The following DLST variants were observed in gnomAD, a reference collection of about 807,000 sequenced individuals.
DLST encodes dihydrolipoamide S-succinyltransferase.
A neutral mutation model predicts 53.1 loss-of-function variants in DLST; 17 were observed. That is an observed-to-expected ratio of 0.32 (90% CI 0.22 to 0.48). The LOEUF (loss-of-function observed/expected upper bound fraction) is 0.48. Among genes scored for constraint, DLST ranks in the 20% least tolerant of loss-of-function variants. The pLI, the probability that DLST is intolerant of heterozygous loss-of-function variation, is 0.99. For missense variants in DLST, 512 were observed against 583.9 expected (o/e 0.88, Z 1.27); for synonymous variants, 206 against 204.8 (o/e 1.01, Z -0.05).
At position 74,898,359 on chromosome 14, in the gene DLST, A is replaced by G. The variant is rs2080087; in HGVS notation, c.771-10A>G. 0.56 allele frequency: 905,154 copies of G among 1,607,770 alleles called. 262,126 individuals are homozygous for G. Among genetic ancestry groups the G allele is most frequent in the African/African-American group, 0.92 (68,516 of 74,738 alleles). On this transcript the variant is annotated splice_polypyrimidine_tract_variant and intron_variant, in intron 10 of 14. Transcript: ENST00000334220. ...CTTTGTGGTCAGTTTGTTTTGTAATATTTTCACAGTAACATCCAGGAGATG... is the reference window on the plus strand; with the variant it reads ...CTTTGTGGTCAGTTTGTTTTGTAATGTTTTCACAGTAACATCCAGGAGATG...
intron 10 of DLST, 117 bp downstream of exon 10, chr14:74,894,526 TTTA>T: frequency 1.8e-6 from 2 of 1,111,140 alleles, no homozygotes; most frequent in South Asian, 3.2e-5. Flanking sequence ...GAGGTATTTG[TTTA>T]TTGTTTTTTG....
rs113934552 is a variant in DLST, at chr14:74,891,672, A to ACC, written c.442+506_442+507dup. On this transcript the variant is annotated intron_variant, in intron 7 of 14. Coordinates refer to ENST00000334220, the MANE Select transcript of DLST (RefSeq NM_001933.5). Reference sequence around the variant, plus strand: ...GAAATGAGAAACGAATTTGTACTGGACCTGATAGGATTAGAGATTAATAAC... The same window carrying ACC: ...GAAATGAGAAACGAATTTGTACTGGACCCCTGATAGGATTAGAGATTAATAAC... 1,236 of 984,394 alleles carry ACC rather than the reference A, an allele frequency of 1.3e-3. 10 individuals carry two copies. In the African/African-American group the frequency reaches 0.017, roughly 13 times the overall value. 61.0% of individuals were successfully genotyped at this position (984,394 alleles called of 1,614,324 possible).
intron 12 of DLST, 51 bp downstream of exon 12, chr14:74,900,047 C>G (rs1884193643): frequency 7.0e-7 from 1 of 1,422,912 alleles, no homozygotes; most frequent in Admixed American, 1.7e-5. Context: ...CTCACCTTAT[C>G]TGTGTGAAGG....
chr14:74,893,095 C>T (rs1883965681), intron 8 of DLST, 109 bp downstream of exon 8: 1 of 1,357,256 alleles, frequency 7.4e-7, no homozygotes, highest in South Asian at 1.5e-5. Flanking sequence ...AGGTTGGCTG[C>T]TTTGTAGAAA....
At chr14:74,900,741 T>G (rs1400145963) in intron 13 of DLST, among the ~76,000 whole-genome samples, 1 of 152,230 alleles carries the variant, frequency 6.6e-6, no homozygotes, top group Non-Finnish European at 1.5e-5. Flanking sequence ...TTTTTGTTTT[T>G]AGAGGCAGGG....
chr14:74,895,878 A>T lies in DLST; in HGVS notation c.770+1469A>T, dbSNP rs373700154. Among the ~76,000 whole-genome samples the T allele has an allele frequency of 5.9e-4, 90 of 152,318 alleles. No individual in the cohort carries two copies. In the South Asian group the frequency reaches 0.017, roughly 29 times the overall value. ...GCCACTGCACTCCAGCCTGGGCAACAGAGCGAGATTGTGTCTCAAAAAAAA... is the reference window on the plus strand; with the variant it reads ...GCCACTGCACTCCAGCCTGGGCAACTGAGCGAGATTGTGTCTCAAAAAAAA... On this transcript the variant is annotated intron_variant, in intron 10 of 14. Transcript: ENST00000334220.
intron 11 of DLST, 81 bp from the exon 12 acceptor site, chr14:74,899,842 T>A (rs1404578292): frequency 4.4e-6 from 5 of 1,124,020 alleles, no homozygotes; most frequent in Non-Finnish European, 6.6e-6. Flanking sequence ...TGCAGATTTT[T>A]ACTCTGTTAA....
At chr14:74,893,008 G>T in intron 8 of DLST, 22 bp downstream of exon 8, 1 of 1,604,336 alleles carries the variant, frequency 6.2e-7, no homozygotes. Flanking sequence ...ACTCCCACAT[G>T]TCATGTGGGA....
At chr14:74,890,928 T>G in intron 6 of DLST, 128 bp from the exon 7 acceptor site, 1 of 1,291,638 alleles carries the variant, frequency 7.7e-7, no homozygotes. Context: ...TCCGCCTGCC[T>G]TGGCATCCCA....
At position 74,894,297 on chromosome 14, in the gene DLST, C is replaced by G; in HGVS notation, c.673-15C>G. Reference sequence around the variant, plus strand: ...GAGATCAGATTGTCAATGCTTGTTCCACTCTTACTTTCAGGAGAAAATGAA... The same window carrying G: ...GAGATCAGATTGTCAATGCTTGTTCGACTCTTACTTTCAGGAGAAAATGAA... On this transcript the variant is annotated splice_polypyrimidine_tract_variant and intron_variant, in intron 9 of 14. Coordinates refer to ENST00000334220, the MANE Select transcript of DLST (RefSeq NM_001933.5). 6.2e-7 allele frequency: 1 copy of G among 1,613,626 alleles called. No homozygotes were observed. The highest frequency in any genetic ancestry group is 8.5e-7 in the Non-Finnish European group (1 of 1,179,772).
chr14:74,900,923 A>G (rs1884225950), intron 13 of DLST, 143 bp from the exon 14 acceptor site: 8 of 780,838 alleles, frequency 1.0e-5, no homozygotes, highest in Non-Finnish European at 1.4e-5. Flanking sequence ...TGGGGGTCTC[A>G]CTATGTTGCC....
In DLST at chr14:74,889,127, T is replaced by C. The variant is rs762733268; in HGVS notation, c.179T>C (p.Phe60Ser). 1.1e-5 allele frequency: 17 copies of C among 1,614,246 alleles called. No homozygotes were observed. The East Asian group carries it at 3.8e-4, about 36-fold the overall frequency. The change falls in exon 4 of 15, where the codon TTC becomes TCC. Residue 60 changes from phenylalanine to serine, a missense_variant. Transcript: ENST00000334220. ...INNSVFSVRF[F>S]RTTAVCKDDL... ...AACAGTGTCTTCAGTGTTCGCTTTTTCAGAACTACAGCTGTATGCAGTAAG... is the reference window on the plus strand; with the variant it reads ...AACAGTGTCTTCAGTGTTCGCTTTTCCAGAACTACAGCTGTATGCAGTAAG...
At position 74,892,873 on chromosome 14, in the gene DLST, C is replaced by A; in HGVS notation, c.482C>A (p.Ala161Asp). 1.2e-6 allele frequency: 2 copies of A among 1,613,882 alleles called. No homozygotes were observed. The highest frequency in any genetic ancestry group is 1.7e-6 in the Non-Finnish European group (2 of 1,179,914). ...AKAKPAEAPA[A>D]AAPKAEPTAA... is the part of the protein sequence containing the mutation. ...GCCAAGCCGGCTGAAGCTCCTGCTG[C>A]TGCAGCCCCAAAAGCAGAACCTACA... The change falls in exon 8 of 15, where the codon GCT (alanine) becomes GAT (aspartate). Residue 161 changes from alanine (A) to aspartate (D), a missense_variant. Ala to Asp is a moderately radical substitution (Grantham distance 126). This residue lies in a region of DLST where 162 missense variants were observed against 162.0 expected (regional missense o/e 1.00). Coordinates refer to ENST00000334220, the MANE Select transcript of DLST (RefSeq NM_001933.5).
At position 74,894,387 on chromosome 14, in the gene DLST, A is replaced by G. The variant is rs376668007; in HGVS notation, c.748A>G (p.Thr250Ala). 1.2e-5 allele frequency: 19 copies of G among 1,614,018 alleles called. No homozygotes were observed. The highest frequency in any genetic ancestry group is 1.4e-5 in the Non-Finnish European group (17 of 1,180,014). Residue 250 changes from threonine to alanine, a missense_variant, in exon 10 of 15, where the codon ACT becomes GCT. By Grantham distance (58) the Thr-to-Ala change is moderately conservative. Around this residue, in one of 4 missense-constraint regions of DLST, gnomAD observed 162 missense variants for 162.0 expected, o/e 1.00. Transcript: ENST00000334220. ...EAQNTCAMLT[T>A]FNEIDMSNIQ... The stretch of plus-strand genomic sequence containing the variant: ...CCAGAATACATGTGCAATGCTGACA[A>G]CTTTTAATGAGATTGACATGAGGTA...
intron 2 of DLST, among the ~76,000 whole-genome samples, chr14:74,883,220 G>A (rs868770581): frequency 9.9e-5 from 15 of 151,954 alleles, no homozygotes; most frequent in African/African-American, 2.9e-4. Flanking sequence ...GCGTGAAGCC[G>A]GGAGGCGGAG....
rs187373680 is a variant in DLST, at chr14:74,901,907, A to G, written c.1228-289A>G. Among the ~76,000 whole-genome samples, 183 of 152,036 alleles carry G rather than the reference A, an allele frequency of 1.2e-3. 1 individual carries two copies. The highest frequency in any genetic ancestry group is 4.3e-3 in the African/African-American group (179 of 41,442). On this transcript the variant is annotated intron_variant, in intron 14 of 14. Coordinates refer to ENST00000334220, the MANE Select transcript of DLST (RefSeq NM_001933.5). The stretch of plus-strand genomic sequence containing the variant: ...AGCAAGTACAGGCAGCCAGAACTGA[A>G]GGGAAAACTTTCCTTGTAGGCAGCA...
chr14:74,882,756 C>T, intron 2 of DLST, 132 bp downstream of exon 2: 1 of 790,326 alleles, frequency 1.3e-6, no homozygotes, highest in East Asian at 2.6e-5. Context: ...AGACGCAATG[C>T]TACATAATCA....
rs116743441 is a variant in DLST, at chr14:74,900,659, C to T, written c.1059+287C>T. ...GAGCACTGGTCATAGACACCTTAGCCGAACAACTGTCACACGGAAGCTAGC... is the reference window on the plus strand; with the variant it reads ...GAGCACTGGTCATAGACACCTTAGCTGAACAACTGTCACACGGAAGCTAGC... On this transcript the variant is annotated intron_variant, in intron 13 of 14. Coordinates refer to ENST00000334220, the MANE Select transcript of DLST (RefSeq NM_001933.5). Among the ~76,000 whole-genome samples the T allele has an allele frequency of 2.3e-3, 346 of 152,276 alleles. 2 individuals carry two copies. The highest frequency in any genetic ancestry group is 8.0e-3 in the African/African-American group (331 of 41,546).
chr14:74,897,981 A>T (rs1410761480), intron 10 of DLST, among the ~76,000 whole-genome samples: 1 of 148,682 alleles, frequency 6.7e-6, no homozygotes, highest in Non-Finnish European at 1.5e-5. Flanking sequence ...TAAAAAGAAT[A>T]TTGCTTATTT....
Sources: gnomAD v4.1 joint callset for allele counts (sites outside exome capture counted in the v4.1 genomes callset) on GRCh38, gnomAD v4.1.1 for gene constraint, gnomAD v4.1.1 regional missense constraint, MANE v1.5 for transcripts, NCBI Gene and HGNC (gene_info 2026-07-23, HGNC 2026-07-21) for gene names.